Variants in HACD2 observed in about 807,000 individuals in gnomAD.
HACD2 encodes the protein very-long-chain (3R)-3-hydroxyacyl-CoA dehydratase 2.
Under a neutral mutation model 31.0 loss-of-function variants are expected in HACD2, and 15 were observed. The ratio of observed to expected loss-of-function variants is 0.48; its 90% CI spans 0.32 to 0.75. HACD2 has a LOEUF of 0.75. Ranked by LOEUF, HACD2 falls within the 30% of genes least tolerant of loss-of-function variation. HACD2 has a pLI of 0.03. For missense variants in HACD2, 283 were observed against 313.0 expected (o/e 0.90, Z 0.72); for synonymous variants, 115 against 122.2 (o/e 0.94, Z 0.39).
At chr3:123,533,937 GTTATAAC>G (rs2056396002) in intron 3 of HACD2, among the ~76,000 whole-genome samples, 1 of 152,208 alleles carries the variant, frequency 6.6e-6, no homozygotes. Flanking sequence ...GCAAGGCAAG[GTTATAAC>G]TTGAGAAATA....
At chr3:123,560,159 C>A (rs2056712463) in intron 3 of HACD2, among the ~76,000 whole-genome samples, 1 of 152,202 alleles carries the variant, frequency 6.6e-6, no homozygotes, top group South Asian at 2.1e-4. Context: ...GGTGCATTTT[C>A]TTCTCTCCTT....
In HACD2 at chr3:123,540,171, G is replaced by A. The variant is rs552771108; in HGVS notation, c.293-11697C>T. Among the ~76,000 whole-genome samples the A allele has an allele frequency of 9.0e-4, 137 of 151,526 alleles. No individual in the cohort carries two copies. In the Middle Eastern group the frequency reaches 0.01, roughly 11 times the overall value. ...GTTCCTATATATTAATGACTTTGCT[G>A]TACTGGTTTCTAGTTCACTGGATGT... On this transcript the variant is annotated intron_variant, in intron 3 of 6. Coordinates refer to ENST00000383657, the MANE Select transcript of HACD2 (RefSeq NM_198402.5).
intron 3 of HACD2, among the ~76,000 whole-genome samples, chr3:123,567,548 G>A (rs1026510234): frequency 2.6e-5 from 4 of 152,126 alleles, no homozygotes; most frequent in African/African-American, 9.7e-5. Flanking sequence ...GAACAAAATA[G>A]CTGTGAACTT....
intron 3 of HACD2, among the ~76,000 whole-genome samples, chr3:123,561,467 AC>A (rs2056728063): frequency 6.6e-6 from 1 of 152,156 alleles, no homozygotes; most frequent in African/African-American, 2.4e-5. Context: ...CTGGGCTGTG[AC>A]TGAGCTACAA....
At chr3:123,501,498 T>C (rs369772744) in intron 5 of HACD2, among the ~76,000 whole-genome samples, 2 of 152,196 alleles carry the variant, frequency 1.3e-5, no homozygotes, top group East Asian at 3.9e-4. Flanking sequence ...TACAAACTTC[T>C]GGGCACAGGA....
At chr3:123,510,266 G>T (rs1033547534) in intron 4 of HACD2, among the ~76,000 whole-genome samples, 2 of 151,872 alleles carry the variant, frequency 1.3e-5, no homozygotes, top group Non-Finnish European at 2.9e-5. Context: ...TTATTTTTTT[G>T]AGGTGGAGTC....
intron 3 of HACD2, among the ~76,000 whole-genome samples, chr3:123,561,698 T>C (rs992987168): frequency 1.3e-5 from 2 of 151,754 alleles, no homozygotes; most frequent in Non-Finnish European, 2.9e-5. Flanking sequence ...ACAGAAAAGA[T>C]ATAACACTTC....
chr3:123,555,510 A>G (rs2056663713), intron 3 of HACD2, among the ~76,000 whole-genome samples: 1 of 152,228 alleles, frequency 6.6e-6, no homozygotes, highest in Non-Finnish European at 1.5e-5. Flanking sequence ...ACCAAATAAA[A>G]ACACATATAA....
intron 3 of HACD2, among the ~76,000 whole-genome samples, chr3:123,549,604 T>C (rs932330667): frequency 6.6e-6 from 1 of 152,028 alleles, no homozygotes; most frequent in Non-Finnish European, 1.5e-5. Flanking sequence ...AAAACTTAGC[T>C]GGGCGTGGTG....
chr3:123,570,643 C>T (rs2056843644), intron 2 of HACD2, among the ~76,000 whole-genome samples: 1 of 152,136 alleles, frequency 6.6e-6, no homozygotes, highest in Non-Finnish European at 1.5e-5. Flanking sequence ...TAGGTTATGT[C>T]ATGGGATGGG....
At chr3:123,577,620 CAAAA>C (rs35024817) in intron 2 of HACD2, among the ~76,000 whole-genome samples, 4 of 90,430 alleles carry the variant, frequency 4.4e-5, no homozygotes, top group Admixed American at 1.1e-4. Flanking sequence ...GACTCTGTCT[CAAAA>C]AAAAAAAAAA....
At chr3:123,538,048 G>A (rs943367404) in intron 3 of HACD2, among the ~76,000 whole-genome samples, 2 of 152,160 alleles carry the variant, frequency 1.3e-5, no homozygotes, top group African/African-American at 4.8e-5. Context: ...AGAAGGATGG[G>A]ATATAAAACA....
At chr3:123,571,774 G>A (rs1354599942) in intron 2 of HACD2, among the ~76,000 whole-genome samples, 2 of 152,234 alleles carry the variant, frequency 1.3e-5, no homozygotes, top group East Asian at 3.9e-4. Flanking sequence ...TGAGCTAATC[G>A]ATGAGCATTG....
chr3:123,520,624 A>G (rs371425421), intron 4 of HACD2, among the ~76,000 whole-genome samples: 3 of 152,328 alleles, frequency 2.0e-5, no homozygotes, highest in South Asian at 4.1e-4. Context: ...TTGGTAACCA[A>G]CATCTTTCCA....
At chr3:123,570,670 A>G (rs2056844003) in intron 2 of HACD2, among the ~76,000 whole-genome samples, 1 of 152,182 alleles carries the variant, frequency 6.6e-6, no homozygotes, top group Admixed American at 6.5e-5. Flanking sequence ...GGAAAGTATC[A>G]CAGAAAATCT....
chr3:123,508,897 C>T (rs1475428051), intron 4 of HACD2, among the ~76,000 whole-genome samples: 2 of 152,154 alleles, frequency 1.3e-5, no homozygotes, highest in East Asian at 1.9e-4. Context: ...TCCTGACTTG[C>T]AGATGGCCAC....
At chr3:123,580,853 A>ATT (rs60669874) in intron 2 of HACD2, among the ~76,000 whole-genome samples, 5 of 105,296 alleles carry the variant, frequency 4.7e-5, no homozygotes, top group Non-Finnish European at 7.6e-5. Flanking sequence ...GAGATAAAGA[A>ATT]TTTTTTTTTT....
intron 3 of HACD2, among the ~76,000 whole-genome samples, chr3:123,555,342 A>C (rs373030231): frequency 1.3e-5 from 2 of 152,234 alleles, no homozygotes. Flanking sequence ...GATCTCAAAG[A>C]ATCTACAAAC....
chr3:123,572,734 A>C (rs1407421874), intron 2 of HACD2, among the ~76,000 whole-genome samples: 1 of 152,204 alleles, frequency 6.6e-6, no homozygotes. Flanking sequence ...TTTTTAATCC[A>C]AGGTAAAACA....
Sources: gnomAD v4.1 joint callset for allele counts (sites outside exome capture counted in the v4.1 genomes callset) on GRCh38, gnomAD v4.1.1 for gene constraint, MANE v1.5 for transcripts, NCBI Gene and HGNC (gene_info 2026-07-23, HGNC 2026-07-21) for gene names.